The following UBE4B variants were observed in gnomAD, a reference collection of about 807,000 sequenced individuals.
The protein encoded by UBE4B is ubiquitin conjugation factor E4 B.
UBE4B carries 27 observed loss-of-function variants against 148.1 expected under a neutral mutation model. The ratio of observed to expected loss-of-function variants is 0.18; its 90% confidence interval spans 0.13 to 0.25. The LOEUF (loss-of-function observed/expected upper bound fraction) is 0.25. Among genes scored for constraint, UBE4B ranks in the 10% least tolerant of loss-of-function variants. UBE4B has a pLI of 1.00. For missense variants in UBE4B, 1,170 were observed against 1,662.4 expected (o/e 0.70, Z 5.15); for synonymous variants, 596 against 619.3 (o/e 0.96, Z 0.56).
At chr1:10,117,710 C>T in intron 8 of UBE4B, 110 bp downstream of exon 8, 3 of 1,325,944 alleles carry the variant, frequency 2.3e-6, no homozygotes, top group South Asian at 3.3e-5. Flanking sequence ...AATTATTGAG[C>T]ATTTGCCATG....
At chr1:10,081,750 A>G (rs371332751) in intron 2 of UBE4B, among the ~76,000 whole-genome samples, 32 of 152,092 alleles carry the variant, frequency 2.1e-4, no homozygotes, top group African/African-American at 7.7e-4. Context: ...CACCACGCCC[A>G]ATTAATTTTT....
intron 1 of UBE4B, among the ~76,000 whole-genome samples, chr1:10,043,925 G>A (rs1300252645): frequency 6.6e-6 from 1 of 152,218 alleles, no homozygotes; most frequent in African/African-American, 2.4e-5. Flanking sequence ...AGCAATGAAA[G>A]CAAGTGTTAC....
chr1:10,115,532 A>G (rs949696916), intron 7 of UBE4B, among the ~76,000 whole-genome samples: 1 of 152,096 alleles, frequency 6.6e-6, no homozygotes, highest in Non-Finnish European at 1.5e-5. Context: ...TTAGCCTCCC[A>G]AAGTGCTGGG....
intron 1 of UBE4B, among the ~76,000 whole-genome samples, chr1:10,038,031 A>G (rs1643606633): frequency 6.6e-6 from 1 of 152,046 alleles, no homozygotes; most frequent in African/African-American, 2.4e-5. Context: ...CTGTAATCCC[A>G]GCGCTTTGGG....
intron 9 of UBE4B, 66 bp downstream of exon 9, chr1:10,119,679 G>T (rs1645379698): frequency 6.9e-7 from 1 of 1,451,202 alleles, no homozygotes; most frequent in South Asian, 1.2e-5. Flanking sequence ...TGGACATCAG[G>T]CTCTCTGGCC....
intron 23 of UBE4B, among the ~76,000 whole-genome samples, chr1:10,163,836 A>G (rs993348943): frequency 3.3e-5 from 5 of 150,610 alleles, no homozygotes; most frequent in African/African-American, 9.7e-5. Context: ...CAGTGGCGCA[A>G]TCTTGGCTCA....
chr1:10,098,875 A>G (rs2101880859), intron 3 of UBE4B, among the ~76,000 whole-genome samples: 1 of 152,336 alleles, frequency 6.6e-6, no homozygotes, highest in South Asian at 2.1e-4. Flanking sequence ...TTCTTCTTGT[A>G]TTTAGCAGTG....
chr1:10,114,098 G>A (rs1404000640), intron 7 of UBE4B, among the ~76,000 whole-genome samples: 1 of 150,270 alleles, frequency 6.7e-6, no homozygotes, highest in Non-Finnish European at 1.5e-5. Context: ...AAAAAAAGAT[G>A]CGTTTCTTCC....
At chr1:10,143,527 G>T (rs947296841) in intron 17 of UBE4B, among the ~76,000 whole-genome samples, 2 of 151,994 alleles carry the variant, frequency 1.3e-5, no homozygotes, top group Non-Finnish European at 2.9e-5. Flanking sequence ...ATTATATTGG[G>T]CCCTCCAAAA....
At chr1:10,048,152 A>G (rs888634053) in intron 1 of UBE4B, among the ~76,000 whole-genome samples, 3 of 152,126 alleles carry the variant, frequency 2.0e-5, no homozygotes, top group African/African-American at 7.2e-5. Flanking sequence ...TCCGTCCTGA[A>G]TGCGTTTTGG....
chr1:10,061,539 C>T (rs1481428337), intron 1 of UBE4B, among the ~76,000 whole-genome samples: 1 of 152,136 alleles, frequency 6.6e-6, no homozygotes, highest in African/African-American at 2.4e-5. Context: ...GGGTGAGCCA[C>T]CGCACTTGGC....
chr1:10,046,013 T>G (rs1165843133), intron 1 of UBE4B, among the ~76,000 whole-genome samples: 1 of 152,190 alleles, frequency 6.6e-6, no homozygotes, highest in Non-Finnish European at 1.5e-5. Flanking sequence ...CTGCGCTCAT[T>G]AGGAGCCCAG....
intron 15 of UBE4B, among the ~76,000 whole-genome samples, chr1:10,134,512 C>CA (rs1214871714): frequency 6.7e-6 from 1 of 148,938 alleles, no homozygotes; most frequent in Admixed American, 6.7e-5. Flanking sequence ...AACTCCATCT[C>CA]AAAAAAAAGA....
At chr1:10,053,356 A>G (rs912297888) in intron 1 of UBE4B, among the ~76,000 whole-genome samples, 1 of 151,968 alleles carries the variant, frequency 6.6e-6, no homozygotes, top group Non-Finnish European at 1.5e-5. Context: ...TCACTGTGGT[A>G]GCCAGGGTAG....
At chr1:10,048,617 G>A (rs1005680594) in intron 1 of UBE4B, among the ~76,000 whole-genome samples, 5 of 152,190 alleles carry the variant, frequency 3.3e-5, no homozygotes, top group African/African-American at 1.2e-4. Context: ...GGGGAAGAAA[G>A]TATTTCATGA....
rs946016031 is a variant in UBE4B, at chr1:10,176,784, C to CTT, written c.3526-1842_3526-1841dup. Among the ~76,000 whole-genome samples the CTT allele has an allele frequency of 2.3e-3, 275 of 121,742 alleles. 1 individual carries two copies. The highest frequency in any genetic ancestry group is 6.4e-3 in the African/African-American group (208 of 32,304). 79.9% of individuals were successfully genotyped at this position (121,742 alleles called of 152,430 possible). On this transcript the variant is annotated intron_variant, in intron 25 of 27. Transcript: ENST00000343090. The stretch of plus-strand genomic sequence containing the variant: ...TTGGAAGAGTTCTTTTTTTCTTTTT[C>CTT]TTTTTTTTTTTTTTTTTTTGAGATG...
intron 1 of UBE4B, among the ~76,000 whole-genome samples, chr1:10,040,333 C>G (rs1643706468): frequency 6.6e-6 from 1 of 152,008 alleles, no homozygotes; most frequent in African/African-American, 2.4e-5. Flanking sequence ...TGGTCTTGAA[C>G]TCCAGACCTT....
At chr1:10,152,705 C>G (rs965276331) in intron 21 of UBE4B, among the ~76,000 whole-genome samples, 3 of 151,064 alleles carry the variant, frequency 2.0e-5, no homozygotes, top group Non-Finnish European at 1.5e-5. Flanking sequence ...GGCCGAGGCA[C>G]GAGAATCGAG....
intron 1 of UBE4B, chr1:10,054,485 CT>C: frequency 2.3e-6 from 1 of 433,202 alleles, no homozygotes; most frequent in Admixed American, 2.6e-5. Flanking sequence ...GCTCAGGCTT[CT>C]TCCCATTGGT....
Sources: allele counts gnomAD v4.1 joint callset (sites outside exome capture counted in the v4.1 genomes callset), GRCh38; gene constraint gnomAD v4.1.1; transcripts MANE v1.5; gene names NCBI Gene and HGNC (gene_info 2026-07-23, HGNC 2026-07-21).